The following FOXN3 variants were observed in gnomAD, a reference collection of about 807,000 sequenced individuals.
FOXN3 encodes the protein forkhead box protein N3.
In FOXN3, 7 loss-of-function variants were observed where a neutral mutation model predicts 38.4. The ratio of observed to expected loss-of-function variants is 0.18; its 90% CI spans 0.10 to 0.34. The LOEUF is 0.34. FOXN3 is among the 10% of genes least tolerant of loss of function. The pLI is 1.00. For synonymous variants in FOXN3, 230 were observed against 242.2 expected (o/e 0.95, Z 0.47); for missense variants, 456 against 613.4 (o/e 0.74, Z 2.71).
In FOXN3 at chr14:89,162,992, AG is replaced by A; in HGVS notation, c.852-24del. 1 of 1,517,934 alleles carries A rather than the reference AG, an allele frequency of 6.6e-7. No homozygotes were observed. The highest frequency in any genetic ancestry group is 8.8e-7 in the Non-Finnish European group (1 of 1,133,196). 94.0% of individuals were successfully genotyped at this position (1,517,934 alleles called of 1,614,324 possible). On this transcript the variant is annotated intron_variant, in intron 5 of 5. Transcript: ENST00000557258. This position sits in a 1 kb window ranked among gnomAD's most constrained non-coding sequence, Gnocchi z 7.2. The stretch of plus-strand genomic sequence containing the variant: ...TTCCTGCAGAGCGAGGACAGTGGGG[AG>A]GGACGGGAGACAAAGAAGGGACACA...
At chr14:89,431,641 T>C (rs547516316) in intron 1 of FOXN3, among the ~76,000 whole-genome samples, 1 of 152,318 alleles carries the variant, frequency 6.6e-6, no homozygotes, top group Admixed American at 6.5e-5. Flanking sequence ...TTTAGAGCAG[T>C]TTAAGGTTCA....
intron 1 of FOXN3, among the ~76,000 whole-genome samples, chr14:89,572,385 A>G (rs1895513125): frequency 6.6e-6 from 1 of 152,260 alleles, no homozygotes. Flanking sequence ...ACTGTCTATT[A>G]GTATAAGAAG....
chr14:89,556,232 C>T (rs760432107), intron 1 of FOXN3, among the ~76,000 whole-genome samples: 20 of 151,892 alleles, frequency 1.3e-4, no homozygotes, highest in Non-Finnish European at 2.6e-4. Flanking sequence ...GGAGAAACCC[C>T]GTCTCTACTA....
chr14:89,592,059 C>A (rs566716391), intron 1 of FOXN3, among the ~76,000 whole-genome samples: 81 of 151,836 alleles, frequency 5.3e-4, no homozygotes, highest in African/African-American at 1.9e-3. Flanking sequence ...GTTAAAAGAA[C>A]AAGAAACATT....
intron 4 of FOXN3, among the ~76,000 whole-genome samples, chr14:89,191,517 G>A (rs1337397507): frequency 1.3e-5 from 2 of 152,142 alleles, no homozygotes; most frequent in African/African-American, 2.4e-5. Flanking sequence ...CAAGGGGCTC[G>A]CACTTGTCAG....
At chr14:89,414,778 CT>C (rs1891649461) in intron 1 of FOXN3, among the ~76,000 whole-genome samples, 1 of 152,108 alleles carries the variant, frequency 6.6e-6, no homozygotes, top group Admixed American at 6.6e-5. Context: ...GTCTCAATCT[CT>C]TGATCTCGTG....
At position 89,164,403 on chromosome 14, in the gene FOXN3, G is replaced by A. The variant is rs899112769; in HGVS notation, c.852-1434C>T. On this transcript the variant is annotated intron_variant, in intron 5 of 5. Transcript: ENST00000557258. The surrounding 1 kb of genome is among the most constrained non-coding windows in gnomAD (Gnocchi z 4.3). ...TTTCCTGTAAGCTCATCTACCTCGT[G>A]ATCCATTTCTAAGAGTTCTGGGGAA... 6.6e-6 allele frequency among the ~76,000 whole-genome samples: 1 copy of A among 152,130 alleles called. No homozygotes were observed. Among genetic ancestry groups the A allele is most frequent in the African/African-American group, 2.4e-5 (1 of 41,416 alleles).
At chr14:89,267,134 G>C (rs1714900394) in intron 4 of FOXN3, among the ~76,000 whole-genome samples, 1 of 152,184 alleles carries the variant, frequency 6.6e-6, no homozygotes, top group African/African-American at 2.4e-5. Context: ...AAGCAGTTGA[G>C]GGGCAATTCT....
rs539222083 is a variant in FOXN3, at chr14:89,553,108, G to A, written c.-15+65920C>T. Among the ~76,000 whole-genome samples the A allele has an allele frequency of 6.6e-5, 10 of 151,802 alleles. No individual in the cohort carries two copies. In the South Asian group the frequency reaches 8.3e-4, roughly 13 times the overall value. ...ACAAAAGTTAGCTGGGCATGGTGGC[G>A]TGTGCCTGTGGTCCCAGCTACTAGG... is the stretch of plus-strand genomic sequence containing the variant. On this transcript the variant is annotated intron_variant, in intron 1 of 6. Transcript: ENST00000345097.
chr14:89,343,131 T>A (rs1381636023), intron 3 of FOXN3, among the ~76,000 whole-genome samples: 1 of 152,242 alleles, frequency 6.6e-6, no homozygotes, highest in Non-Finnish European at 1.5e-5. Flanking sequence ...ATGAAAGATG[T>A]CTTATAAATT....
intron 4 of FOXN3, among the ~76,000 whole-genome samples, chr14:89,238,591 G>A (rs1038217626): frequency 2.0e-5 from 3 of 152,112 alleles, no homozygotes; most frequent in Admixed American, 6.5e-5. Context: ...GGGTCACTTG[G>A]GAAGTCCCTA....
intron 4 of FOXN3, among the ~76,000 whole-genome samples, chr14:89,270,973 GA>G (rs1384604527): frequency 6.6e-6 from 1 of 152,078 alleles, no homozygotes; most frequent in Non-Finnish European, 1.5e-5. Context: ...GATTCATTCT[GA>G]AAGTTCACAC....
intron 4 of FOXN3, among the ~76,000 whole-genome samples, chr14:89,272,737 C>G (rs538521088): frequency 1.3e-5 from 2 of 152,204 alleles, no homozygotes; most frequent in African/African-American, 4.8e-5. Flanking sequence ...CCTGTAGTCC[C>G]AGCTACTCGG....
chr14:89,606,491 G>C (rs965116365), intron 1 of FOXN3, among the ~76,000 whole-genome samples: 1 of 152,174 alleles, frequency 6.6e-6, no homozygotes, highest in Non-Finnish European at 1.5e-5. Context: ...GAGAATTATA[G>C]GACTTCTCAC....
At chr14:89,437,958 AT>A (rs1892304995) in intron 1 of FOXN3, among the ~76,000 whole-genome samples, 1 of 152,212 alleles carries the variant, frequency 6.6e-6, no homozygotes, top group African/African-American at 2.4e-5. Context: ...TATCTGCTTT[AT>A]GTCACAGAAG....
At chr14:89,265,208 T>A (rs1455444935) in intron 4 of FOXN3, among the ~76,000 whole-genome samples, 1 of 152,202 alleles carries the variant, frequency 6.6e-6, no homozygotes, top group Admixed American at 6.5e-5. Flanking sequence ...TAGCGATTTT[T>A]AAAAACCGAA....
chr14:89,305,526 A>C (rs575148345), intron 3 of FOXN3, among the ~76,000 whole-genome samples: 1 of 152,374 alleles, frequency 6.6e-6, no homozygotes, highest in Admixed American at 6.5e-5. Flanking sequence ...GAACAGACTT[A>C]ACATACTGCT....
chr14:89,489,721 T>C (rs933469770), intron 1 of FOXN3, among the ~76,000 whole-genome samples: 3 of 152,180 alleles, frequency 2.0e-5, no homozygotes, highest in Admixed American at 2.0e-4. Flanking sequence ...TTAATCAGGC[T>C]TCCAACTCCA....
At chr14:89,182,985 G>A (rs1296591703) in intron 4 of FOXN3, among the ~76,000 whole-genome samples, 1 of 152,136 alleles carries the variant, frequency 6.6e-6, no homozygotes, top group Non-Finnish European at 1.5e-5. Context: ...CCTAAATGTA[G>A]GAACTAAAAC....
Sources: gnomAD v4.1 joint callset for allele counts (sites outside exome capture counted in the v4.1 genomes callset) on GRCh38, gnomAD v4.1.1 for gene constraint, Gnocchi (gnomAD v3.1) non-coding constraint, MANE v1.5 for transcripts, NCBI Gene and HGNC (gene_info 2026-07-23, HGNC 2026-07-21) for gene names.